The following PCSK5 variants were observed in gnomAD, a reference collection of about 807,000 sequenced individuals.
The protein encoded by PCSK5 is proprotein convertase subtilisin/kexin type 5, also known as prohormone convertase 5.
PCSK5 carries 129 observed loss-of-function variants against 233.2 expected under a neutral mutation model. The observed-to-expected ratio is 0.55, with a 90% CI of 0.48 to 0.64. The LOEUF (loss-of-function observed/expected upper bound fraction) is 0.64, where lower values mean the gene tolerates loss of function less well. PCSK5 is among the 30% of genes least tolerant of loss of function. The probability of loss-of-function intolerance (pLI) is 0.00; values close to 1 mark genes in which losing one functional copy is unlikely to be tolerated. For synonymous variants in PCSK5, 825 were observed against 879.2 expected (o/e 0.94, Z 1.09); for missense variants, 2,076 against 2,430.1 (o/e 0.85, Z 3.06).
chr9:76,345,037 T>C (rs1829938739), intron 35 of PCSK5, among the ~76,000 whole-genome samples: 1 of 152,172 alleles, frequency 6.6e-6, no homozygotes, highest in South Asian at 2.1e-4. Context: ...AAAGGTATAG[T>C]GCATGATGCT....
chr9:76,022,082 T>G (rs896659175), intron 3 of PCSK5, among the ~76,000 whole-genome samples: 5 of 152,202 alleles, frequency 3.3e-5, no homozygotes, highest in African/African-American at 1.2e-4. Flanking sequence ...GACTGGAGTC[T>G]TTTTTCTGAC....
At chr9:76,226,563 TG>T (rs1356915457) in intron 20 of PCSK5, among the ~76,000 whole-genome samples, 1 of 152,150 alleles carries the variant, frequency 6.6e-6, no homozygotes, top group Non-Finnish European at 1.5e-5. Flanking sequence ...ACATGGCTTA[TG>T]GGGGCTGTCA....
At position 76,296,852 on chromosome 9, in the gene PCSK5, C is replaced by T. The variant is rs750252090; in HGVS notation, c.3510C>T (p.Gly1170=). 1 of 1,607,892 alleles carries T rather than the reference C, an allele frequency of 6.2e-7. No individual in the cohort carries two copies. The highest frequency in any genetic ancestry group is 1.1e-5 in the South Asian group (1 of 90,810). Residue 1170 remains glycine (G), a synonymous_variant, in exon 27 of 38, where the codon GGC becomes GGT. Coordinates refer to ENST00000674117, the MANE Select transcript of PCSK5 (RefSeq NM_001372043.1). ...CVHATKTQEE[G]KFWNEAVSTA... is the part of the protein sequence containing the mutation. ...ATGCCACCAAGACCCAGGAGGAGGG[C>T]AAATTCTGGAATGGTATGTGCCCCC...
chr9:75,902,146 G>A (rs368336839), intron 1 of PCSK5, among the ~76,000 whole-genome samples: 41 of 145,764 alleles, frequency 2.8e-4, no homozygotes, highest in African/African-American at 9.9e-4. Context: ...AACCCAGGAG[G>A]TGGAGGTTGC....
At chr9:76,117,086 T>C (rs1467857531) in intron 9 of PCSK5, among the ~76,000 whole-genome samples, 2 of 152,146 alleles carry the variant, frequency 1.3e-5, no homozygotes, top group Non-Finnish European at 2.9e-5. Flanking sequence ...AAACAAACTT[T>C]TTTTTTCACA....
chr9:75,953,552 G>T (rs1203557211), intron 2 of PCSK5, among the ~76,000 whole-genome samples: 1 of 152,060 alleles, frequency 6.6e-6, no homozygotes, highest in African/African-American at 2.4e-5. Flanking sequence ...CGTGCCTACT[G>T]GAAGGAAACA....
At chr9:76,052,244 C>G (rs140321582) in intron 5 of PCSK5, among the ~76,000 whole-genome samples, 121 of 152,272 alleles carry the variant, frequency 7.9e-4, no homozygotes, top group African/African-American at 2.7e-3. Context: ...TGCTTAGTGT[C>G]TTGGTCAGAA....
rs201147061 is a variant in PCSK5, at chr9:76,107,304, C to T, written c.1161C>T (p.Ala387=). The T allele has an allele frequency of 6.2e-7, 1 of 1,613,958 alleles. No individual in the cohort carries two copies. Among genetic ancestry groups the T allele is most frequent in the East Asian group, 2.2e-5 (1 of 44,874 alleles). ...CGGACAACCACACTGGGACGTCAGCCTCAGCCCCCATGGCTGCAGGCATCA... is the reference window on the plus strand; with the variant it reads ...CGGACAACCACACTGGGACGTCAGCTTCAGCCCCCATGGCTGCAGGCATCA... ...RCTDNHTGTS[A]SAPMAAGIIA... Residue 387 remains alanine, a synonymous_variant, in exon 9 of 38, where the codon GCC becomes GCT. Coordinates refer to ENST00000674117, the MANE Select transcript of PCSK5 (RefSeq NM_001372043.1).
At chr9:76,351,497 A>AAAGAAAGAAAGAAAGG (rs1564196758) in intron 36 of PCSK5, among the ~76,000 whole-genome samples, 1 of 112,532 alleles carries the variant, frequency 8.9e-6, no homozygotes, top group African/African-American at 3.0e-5. Flanking sequence ...AGAAAGAAAG[A>AAAGAAAGAAAGAAAGG]AAGAAAGAAA....
At chr9:75,930,771 A>G (rs577398429) in intron 1 of PCSK5, among the ~76,000 whole-genome samples, 1 of 152,366 alleles carries the variant, frequency 6.6e-6, no homozygotes, top group South Asian at 2.1e-4. Flanking sequence ...CAAAAGTTAC[A>G]GGAGATGACA....
intron 34 of PCSK5, 84 bp downstream of exon 34, chr9:76,332,694 TCA>T: frequency 9.9e-7 from 1 of 1,011,770 alleles, no homozygotes; most frequent in Non-Finnish European, 1.5e-6. Flanking sequence ...AAACTAAGAT[TCA>T]GAACACTTAT....
intron 5 of PCSK5, among the ~76,000 whole-genome samples, chr9:76,061,522 C>T (rs557813229): frequency 6.6e-6 from 1 of 152,148 alleles, no homozygotes; most frequent in African/African-American, 2.4e-5. Context: ...AGAACAGTCT[C>T]ATTAAAGGAA....
chr9:76,110,572 G>A (rs745457519), intron 9 of PCSK5, among the ~76,000 whole-genome samples: 15 of 152,102 alleles, frequency 9.9e-5, no homozygotes, highest in South Asian at 2.1e-4. Context: ...AAATACATCC[G>A]GTAGTCCTAG....
chr9:76,160,723 A>C (rs943914719), intron 12 of PCSK5, among the ~76,000 whole-genome samples: 1 of 152,138 alleles, frequency 6.6e-6, no homozygotes, highest in African/African-American at 2.4e-5. Flanking sequence ...AGGAGAGAAC[A>C]ATAACTTTTC....
chr9:76,232,012 G>A (rs1826103644), intron 21 of PCSK5, among the ~76,000 whole-genome samples: 1 of 152,170 alleles, frequency 6.6e-6, no homozygotes, highest in Non-Finnish European at 1.5e-5. Context: ...GACTTTCAGG[G>A]TATGGGAATG....
At chr9:76,335,850 A>C (rs1450850894) in intron 34 of PCSK5, among the ~76,000 whole-genome samples, 2 of 152,188 alleles carry the variant, frequency 1.3e-5, no homozygotes, top group Admixed American at 1.3e-4. Context: ...ATTCTACAAC[A>C]ATCTCATGAC....
At chr9:76,190,110 G>A (rs1824299015) in intron 20 of PCSK5, among the ~76,000 whole-genome samples, 1 of 152,060 alleles carries the variant, frequency 6.6e-6, no homozygotes, top group South Asian at 2.1e-4. Flanking sequence ...TCAACATCAA[G>A]CACTAGAGGA....
At chr9:76,018,697 G>A (rs1373750179) in intron 3 of PCSK5, among the ~76,000 whole-genome samples, 7 of 152,234 alleles carry the variant, frequency 4.6e-5, no homozygotes, top group African/African-American at 1.7e-4. Context: ...TAATAAGGAA[G>A]TGAACTTCCT....
At chr9:76,043,298 T>G (rs1451533699) in intron 5 of PCSK5, among the ~76,000 whole-genome samples, 2 of 137,660 alleles carry the variant, frequency 1.5e-5, no homozygotes, top group Non-Finnish European at 3.0e-5. Flanking sequence ...ATTGCACCAC[T>G]GTGCTCCAGC....
Sources: allele counts gnomAD v4.1 joint callset (sites outside exome capture counted in the v4.1 genomes callset), GRCh38; gene constraint gnomAD v4.1.1; transcripts MANE v1.5; gene names NCBI Gene and HGNC (gene_info 2026-07-23, HGNC 2026-07-21).